PRKN: variants seen among roughly 807,000 people sequenced by gnomAD.
PRKN encodes the protein E3 ubiquitin-protein ligase parkin.
PRKN carries 56 observed loss-of-function variants against 59.5 expected under a neutral mutation model. That is an observed-to-expected ratio of 0.94 (90% CI 0.76 to 1.18). The LOEUF is 1.18. Among genes scored for constraint, PRKN ranks in the 50% most tolerant of loss-of-function variants. The pLI, the probability that PRKN is intolerant of heterozygous loss-of-function variation, is 0.00. For missense variants in PRKN, 657 were observed against 596.4 expected (o/e 1.10, Z -1.06); for synonymous variants, 250 against 222.1 (o/e 1.13, Z -1.12).
intron 2 of PRKN, among the ~76,000 whole-genome samples, chr6:162,400,457 C>CAAAAAAAA (rs3081908): frequency 2.8e-4 from 28 of 98,644 alleles, no homozygotes; most frequent in African/African-American, 3.4e-4. Context: ...ATGTAAATAT[C>CAAAAAAAA]AAAAAAAAAA....
intron 7 of PRKN, among the ~76,000 whole-genome samples, chr6:161,614,963 C>CAGAGAGAGAGAGAG (rs71694349): frequency 6.8e-6 from 1 of 147,226 alleles, no homozygotes. Context: ...GAGAGGAAGA[C>CAGAGAGAGAGAGAG]AGAGAGAGAG....
chr6:161,574,543 T>C (rs1781060522), intron 7 of PRKN, among the ~76,000 whole-genome samples: 1 of 152,146 alleles, frequency 6.6e-6, no homozygotes, highest in Admixed American at 6.5e-5. Context: ...ACATGATTTT[T>C]TTCTTTGGGT....
intron 9 of PRKN, among the ~76,000 whole-genome samples, chr6:161,455,193 C>T (rs145984634): frequency 0.014 from 2,067 of 152,100 alleles, 57 homozygotes; most frequent in African/African-American, 0.047. Context: ...CGCCTGCCAC[C>T]ATGCCCGACT....
At chr6:161,511,452 G>C (rs1453688378) in intron 9 of PRKN, among the ~76,000 whole-genome samples, 1 of 152,114 alleles carries the variant, frequency 6.6e-6, no homozygotes. Flanking sequence ...TTCATTTCTA[G>C]ACTCCTGGGG....
chr6:161,773,466 C>T (rs1476586285), intron 7 of PRKN, among the ~76,000 whole-genome samples: 2 of 152,046 alleles, frequency 1.3e-5, no homozygotes, highest in Admixed American at 6.6e-5. Flanking sequence ...TATCTATTAT[C>T]AATCAATCAA....
chr6:162,333,261 T>C (rs1275989089), intron 2 of PRKN, among the ~76,000 whole-genome samples: 1 of 151,092 alleles, frequency 6.6e-6, no homozygotes, highest in Non-Finnish European at 1.5e-5. Context: ...AGGGTCTCAC[T>C]GTCCCTCAGG....
At chr6:161,861,362 G>A (rs150322850) in intron 6 of PRKN, among the ~76,000 whole-genome samples, 2,440 of 152,218 alleles carry the variant, frequency 0.016, 64 homozygotes, top group African/African-American at 0.056. Flanking sequence ...ACTCATAAAT[G>A]GGAGTTGAAC....
intron 6 of PRKN, among the ~76,000 whole-genome samples, chr6:161,887,121 A>G (rs1321472083): frequency 6.6e-6 from 1 of 152,236 alleles, no homozygotes; most frequent in East Asian, 1.9e-4. Context: ...TAAAGCATTA[A>G]GTTGTACTGT....
rs115405741 is a variant in PRKN at position 161,445,299 on chromosome 6, C to T, written c.1084-58422G>A. On this transcript the variant is annotated intron_variant, in intron 9 of 11. Coordinates refer to ENST00000366898, the MANE Select transcript of PRKN (RefSeq NM_004562.3). The surrounding 1 kb of genome is among the most constrained non-coding windows in gnomAD (Gnocchi z 7.7). Reference sequence around the variant, plus strand: ...AGACCGCATGTGACCTGCTGGTGCTCGGCACTGACCCAGGGGAGGAGGGCC... The same window carrying T: ...AGACCGCATGTGACCTGCTGGTGCTTGGCACTGACCCAGGGGAGGAGGGCC... Among the ~76,000 whole-genome samples, 191 of 152,212 alleles carry T rather than the reference C, an allele frequency of 1.3e-3. 1 individual carries two copies. Among genetic ancestry groups the T allele is most frequent in the African/African-American group, 4.4e-3 (181 of 41,540 alleles).
intron 7 of PRKN, among the ~76,000 whole-genome samples, chr6:161,730,172 T>C (rs1787622178): frequency 6.6e-6 from 1 of 151,734 alleles, no homozygotes; most frequent in Non-Finnish European, 1.5e-5. Flanking sequence ...TTCTTTCTGA[T>C]GTGTTGCATT....
rs199672125 is a variant in PRKN at position 161,556,941 on chromosome 6, TA to T, written c.934-7939del. 2.7e-3 allele frequency among the ~76,000 whole-genome samples: 407 copies of T among 152,320 alleles called. 1 individual carries two copies. The highest frequency in any genetic ancestry group is 9.0e-3 in the African/African-American group (373 of 41,572). The stretch of plus-strand genomic sequence containing the variant: ...AACTATACTGACAGTTTTAAGCTAT[TA>T]AAAATAGTTTGCAAATTTCTAGATA... On this transcript the variant is annotated intron_variant, in intron 8 of 11. Coordinates refer to ENST00000366898, the MANE Select transcript of PRKN (RefSeq NM_004562.3).
intron 3 of PRKN, among the ~76,000 whole-genome samples, chr6:162,236,742 C>A (rs1392706122): frequency 6.6e-6 from 1 of 151,742 alleles, no homozygotes; most frequent in Non-Finnish European, 1.5e-5. Context: ...TTGCAGTGAG[C>A]CGAGATTGCA....
chr6:161,701,966 G>A (rs1186081068), intron 7 of PRKN, among the ~76,000 whole-genome samples: 4 of 152,140 alleles, frequency 2.6e-5, no homozygotes, highest in African/African-American at 7.2e-5. Context: ...GGCCAGCCAC[G>A]GAAGTAGTGC....
intron 3 of PRKN, among the ~76,000 whole-genome samples, chr6:162,228,916 T>G (rs1010364018): frequency 6.6e-6 from 1 of 152,180 alleles, no homozygotes; most frequent in African/African-American, 2.4e-5. Context: ...AGCTTCCACA[T>G]GCACCACCAG....
intron 4 of PRKN, among the ~76,000 whole-genome samples, chr6:162,083,289 G>T (rs1471745039): frequency 6.6e-6 from 1 of 152,096 alleles, no homozygotes; most frequent in Non-Finnish European, 1.5e-5. Context: ...TAATGCAAAG[G>T]TTTAAAACAT....
chr6:162,039,072 C>T (rs982024376), intron 5 of PRKN, among the ~76,000 whole-genome samples: 7 of 151,824 alleles, frequency 4.6e-5, no homozygotes, highest in African/African-American at 1.2e-4. Flanking sequence ...AGGAGAATGG[C>T]GTGAACCCAG....
intron 4 of PRKN, among the ~76,000 whole-genome samples, chr6:162,076,817 A>G (rs990541117): frequency 3.9e-5 from 6 of 152,176 alleles, no homozygotes; most frequent in African/African-American, 1.2e-4. Flanking sequence ...ATTTCATCAA[A>G]TGAAGTGGAA....
At chr6:161,808,024 C>T (rs1047789128) in intron 6 of PRKN, among the ~76,000 whole-genome samples, 7 of 152,208 alleles carry the variant, frequency 4.6e-5, no homozygotes, top group African/African-American at 1.7e-4. Context: ...CTGTATTGTG[C>T]GATCTTGAAT....
At chr6:162,418,590 G>A (rs371891927) in intron 2 of PRKN, among the ~76,000 whole-genome samples, 1 of 150,326 alleles carries the variant, frequency 6.7e-6, no homozygotes, top group East Asian at 2.0e-4. Context: ...CCACGAAAAA[G>A]TGATGAAGAG....
Sources: gnomAD v4.1 joint callset for allele counts (sites outside exome capture counted in the v4.1 genomes callset) on GRCh38, gnomAD v4.1.1 for gene constraint, Gnocchi (gnomAD v3.1) non-coding constraint, MANE v1.5 for transcripts, NCBI Gene and HGNC (gene_info 2026-07-23, HGNC 2026-07-21) for gene names.